Variants in UNC13C observed in about 807,000 individuals in gnomAD.
UNC13C encodes unc-13 homolog C.
A neutral mutation model predicts 245.4 loss-of-function variants in UNC13C; 174 were observed. The ratio of observed to expected loss-of-function variants is 0.71; its 90% confidence interval spans 0.63 to 0.80. The LOEUF (loss-of-function observed/expected upper bound fraction) is 0.80, where lower values mean the gene tolerates loss of function less well. Among genes scored for constraint, UNC13C ranks in the 30% least tolerant of loss-of-function variants. The pLI is 0.00. For synonymous variants in UNC13C, 992 were observed against 895.1 expected (o/e 1.11, Z -1.93); for missense variants, 2,829 against 2,602.9 (o/e 1.09, Z -1.89).
At chr15:54,050,286 T>A (rs1463902987) in intron 2 of UNC13C, 2 of 580,958 alleles carry the variant, frequency 3.4e-6, no homozygotes, top group Admixed American at 3.8e-5. Flanking sequence ...AGAGGTTTAA[T>A]GATTAGCTGC....
chr15:54,529,741 G>A (rs750045457), intron 25 of UNC13C, among the ~76,000 whole-genome samples: 12 of 152,004 alleles, frequency 7.9e-5, no homozygotes, highest in Non-Finnish European at 1.2e-4. Flanking sequence ...GAGAGGAGTG[G>A]GAATGACTTG....
At chr15:54,454,115 T>G (rs778500990) in intron 19 of UNC13C, among the ~76,000 whole-genome samples, 5 of 144,466 alleles carry the variant, frequency 3.5e-5, no homozygotes, top group Admixed American at 6.8e-5. Flanking sequence ...TTTTTATAAT[T>G]TTTATTGTGA....
rs1299393860 is a variant in UNC13C at position 54,300,288 on chromosome 15, A to T, written c.4183A>T (p.Lys1395Ter). 1 of 1,593,740 alleles carries T rather than the reference A, an allele frequency of 6.3e-7. No individual in the cohort carries two copies. Among genetic ancestry groups the T allele is most frequent in the Non-Finnish European group, 8.6e-7 (1 of 1,169,148 alleles). The change falls in exon 13 of 33, where the codon AAG becomes TAG. Residue 1395 changes from lysine (K) to a stop codon, truncating the protein, a stop_gained. Coordinates refer to ENST00000260323, the MANE Select transcript of UNC13C (RefSeq NM_001080534.3). LOFTEE classifies it high-confidence loss of function. The part of the protein sequence containing the change: ...IPEVKGDEAW[K>*]VFFDDASQEI... The stretch of plus-strand genomic sequence containing the variant: ...AGAAGTCAAAGGGGATGAAGCCTGG[A>T]AGGTTTTCTTTGATGATGCTTCCCA...
intron 4 of UNC13C, among the ~76,000 whole-genome samples, chr15:54,192,614 A>G (rs1489158020): frequency 6.6e-6 from 1 of 152,016 alleles, no homozygotes; most frequent in Admixed American, 6.6e-5. Flanking sequence ...GATTTATTTT[A>G]CTGTCATACC....
At chr15:54,553,197 T>C (rs1896923792) in intron 28 of UNC13C, among the ~76,000 whole-genome samples, 1 of 115,188 alleles carries the variant, frequency 8.7e-6, no homozygotes, top group South Asian at 2.5e-4. Context: ...TATTATATAC[T>C]GTATTCTATA....
intron 14 of UNC13C, among the ~76,000 whole-genome samples, chr15:54,323,084 T>G (rs1323820434): frequency 6.6e-6 from 1 of 151,880 alleles, no homozygotes; most frequent in Non-Finnish European, 1.5e-5. Context: ...TTGTTTCCAC[T>G]GCACTTCCAA....
rs536504509 is a variant in UNC13C, at chr15:54,053,084, C to T, written c.2983+37198C>T. Among the ~76,000 whole-genome samples, 25 of 152,340 alleles carry T rather than the reference C, an allele frequency of 1.6e-4. No homozygotes were observed. The East Asian group carries it at 3.5e-3, about 21-fold the overall frequency. The stretch of plus-strand genomic sequence containing the variant: ...GTGTGATCTCGACCCACTGCAACTT[C>T]TGCCATCCATGTTCAAATAATTCTC... On this transcript the variant is annotated intron_variant, in intron 2 of 32. Coordinates refer to ENST00000260323, the MANE Select transcript of UNC13C (RefSeq NM_001080534.3).
intron 2 of UNC13C, among the ~76,000 whole-genome samples, chr15:54,022,324 T>C (rs1219202820): frequency 6.6e-6 from 1 of 152,142 alleles, no homozygotes; most frequent in Non-Finnish European, 1.5e-5. Context: ...TGTTTCTTTT[T>C]TTTTTAAGCA....
At chr15:54,198,292 G>A (rs1245285976) in intron 4 of UNC13C, among the ~76,000 whole-genome samples, 3 of 152,200 alleles carry the variant, frequency 2.0e-5, no homozygotes, top group Admixed American at 2.0e-4. Flanking sequence ...CCCACCACCT[G>A]AGAAACCTGA....
chr15:54,139,673 A>G (rs2031918968), intron 2 of UNC13C, among the ~76,000 whole-genome samples: 1 of 152,050 alleles, frequency 6.6e-6, no homozygotes, highest in Admixed American at 6.5e-5. Flanking sequence ...TGTACTCTTT[A>G]GTTGTAGTTT....
At chr15:53,899,633 C>T in the UNC13C span, among the ~76,000 whole-genome samples, 2 of 152,112 alleles carry the variant, frequency 1.3e-5, no homozygotes, top group Non-Finnish European at 2.9e-5. Context: ...CCCAGGATCT[C>T]GGCTCACCGC....
chr15:54,407,102 G>A (rs1418381699), intron 18 of UNC13C, among the ~76,000 whole-genome samples: 1 of 152,180 alleles, frequency 6.6e-6, no homozygotes, highest in East Asian at 1.9e-4. Context: ...GCTAATAAAT[G>A]TGTGACAAGC....
At chr15:54,408,215 A>AAAAAAAAAC (rs2040345138) in intron 18 of UNC13C, among the ~76,000 whole-genome samples, 1 of 148,328 alleles carries the variant, frequency 6.7e-6, no homozygotes, top group Admixed American at 6.7e-5. Context: ...AAAAAAAAAA[A>AAAAAAAAAC]AAAAAAAAAA....
At chr15:54,112,753 T>G (rs1232558187) in intron 2 of UNC13C, among the ~76,000 whole-genome samples, 1 of 152,238 alleles carries the variant, frequency 6.6e-6, no homozygotes, top group East Asian at 1.9e-4. Flanking sequence ...TTACCCTCAC[T>G]ATCTGCCAAA....
At chr15:54,003,588 T>A (rs1287926139) in intron 1 of UNC13C, among the ~76,000 whole-genome samples, 1 of 152,240 alleles carries the variant, frequency 6.6e-6, no homozygotes, top group African/African-American at 2.4e-5. Context: ...GTACCTGAGA[T>A]ATTTTGATAC....
chr15:54,580,955 T>C (rs1013192993), intron 30 of UNC13C, among the ~76,000 whole-genome samples: 2 of 152,188 alleles, frequency 1.3e-5, no homozygotes, highest in Non-Finnish European at 2.9e-5. Flanking sequence ...CATATATTTA[T>C]TGAACCTGTA....
At chr15:54,333,143 A>T (rs1477422468) in intron 15 of UNC13C, among the ~76,000 whole-genome samples, 1 of 152,090 alleles carries the variant, frequency 6.6e-6, no homozygotes, top group East Asian at 1.9e-4. Flanking sequence ...AACATGTGAA[A>T]TTGACCAAAG....
chr15:54,064,023 T>C (rs1221888244), intron 2 of UNC13C, among the ~76,000 whole-genome samples: 2 of 152,168 alleles, frequency 1.3e-5, no homozygotes, highest in East Asian at 3.9e-4. Context: ...TTATAGAGCT[T>C]TCTTATCCCT....
chr15:54,006,096 C>A (rs954852992), intron 1 of UNC13C, among the ~76,000 whole-genome samples: 2 of 152,102 alleles, frequency 1.3e-5, no homozygotes, highest in Non-Finnish European at 2.9e-5. Flanking sequence ...ATTCAGCATT[C>A]CTGATCATAA....
Sources: allele counts gnomAD v4.1 joint callset (sites outside exome capture counted in the v4.1 genomes callset), GRCh38; gene constraint gnomAD v4.1.1; transcripts MANE v1.5; gene names NCBI Gene and HGNC (gene_info 2026-07-23, HGNC 2026-07-21).